Variants in PRKCA observed in about 807,000 individuals in gnomAD.
PRKCA encodes the protein protein kinase C alpha type.
In PRKCA, 27 loss-of-function variants were observed where a neutral mutation model predicts 87.0. The ratio of observed to expected loss-of-function variants is 0.31; its 90% CI spans 0.23 to 0.43. The LOEUF (loss-of-function observed/expected upper bound fraction) is 0.43. PRKCA is among the 20% of genes least tolerant of loss of function. PRKCA has a pLI of 1.00. For synonymous variants in PRKCA, 329 were observed against 311.1 expected, an observed-to-expected ratio of 1.06 and a Z score of -0.61; for missense variants, 518 against 852.3, an observed-to-expected ratio of 0.61 and a Z score of 4.88.
At chr17:66,508,493 G>A (rs746075104) in intron 3 of PRKCA, among the ~76,000 whole-genome samples, 1 of 152,118 alleles carries the variant, frequency 6.6e-6, no homozygotes, top group African/African-American at 2.4e-5. Flanking sequence ...GTACATCACT[G>A]TCCTCAGCAT....
In PRKCA at chr17:66,585,833, C is replaced by T. The variant is rs184088541; in HGVS notation, c.289-55522C>T. 1.5e-4 allele frequency among the ~76,000 whole-genome samples: 23 copies of T among 152,314 alleles called. No individual in the cohort carries two copies. The East Asian group carries it at 3.9e-3, about 26-fold the overall frequency. On this transcript the variant is annotated intron_variant, in intron 3 of 16. Coordinates refer to ENST00000413366, the MANE Select transcript of PRKCA (RefSeq NM_002737.3). ...GTCTACCCCTCTGGGTCACAAGAAG[C>T]ATGTGGGAGAATATGGGAAAGTAGC...
chr17:66,691,255 A>G (rs1972779260), intron 8 of PRKCA, among the ~76,000 whole-genome samples: 1 of 152,204 alleles, frequency 6.6e-6, no homozygotes, highest in South Asian at 2.1e-4. Flanking sequence ...CTCTTCAAAA[A>G]TAGAGAAAAA....
chr17:66,691,151 A>G (rs1163915631), intron 8 of PRKCA, among the ~76,000 whole-genome samples: 1 of 152,208 alleles, frequency 6.6e-6, no homozygotes, highest in Non-Finnish European at 1.5e-5. Flanking sequence ...AAGAAAACAA[A>G]CAAAAAACTT....
chr17:66,808,320 C>CTGTTTT lies in PRKCA; in HGVS notation c.*4285_*4290dup, dbSNP rs1555652167. ...CGGAGGGTTTTTTTTGTTTTTGTTC[C>CTGTTTT]TGTTTTTTTTTTTTTTGCTGGAATT... On this transcript the variant is annotated 3_prime_UTR_variant, in exon 17 of 17. Coordinates refer to ENST00000413366, the MANE Select transcript of PRKCA (RefSeq NM_002737.3). 7 of 69,620 alleles carry CTGTTTT rather than the reference C, an allele frequency of 1.0e-4. No homozygotes were observed. Among genetic ancestry groups the CTGTTTT allele is most frequent in the African/African-American group, 5.4e-4 (5 of 9,322 alleles). 4.3% of individuals were successfully genotyped at this position (69,620 alleles called of 1,614,324 possible).
Position 66,752,831 on chromosome 17 carries a change from A to T in PRKCA, c.1524+10071A>T, listed in dbSNP as rs1471319380. Among the ~76,000 whole-genome samples, 5 of 152,282 alleles carry T rather than the reference A, an allele frequency of 3.3e-5. No homozygotes were observed. The East Asian group carries it at 9.7e-4, about 29-fold the overall frequency. ...ACATGGTGCTGGCTACTAAAAGGCCAAAAACAGAAGCCACAGGCTGCTGAA... is the reference window on the plus strand; with the variant it reads ...ACATGGTGCTGGCTACTAAAAGGCCTAAAACAGAAGCCACAGGCTGCTGAA... On this transcript the variant is annotated intron_variant, in intron 13 of 16. Transcript: ENST00000413366.
At position 66,402,942 on chromosome 17, in the gene PRKCA, G is replaced by T. The variant is rs115998440; in HGVS notation, c.206-93259G>T. Among the ~76,000 whole-genome samples the T allele has an allele frequency of 2.9e-3, 442 of 152,308 alleles. 2 individuals carry two copies. Among genetic ancestry groups the T allele is most frequent in the African/African-American group, 0.01 (426 of 41,568 alleles). On this transcript the variant is annotated intron_variant, in intron 2 of 16. Coordinates refer to ENST00000413366, the MANE Select transcript of PRKCA (RefSeq NM_002737.3). ...CTCCTAAATATTGGAGCCTGTCCTG[G>T]CTCTGCCTCCTGCAAGAACAGTGGT...
intron 13 of PRKCA, among the ~76,000 whole-genome samples, chr17:66,750,836 A>G (rs971380159): frequency 6.6e-6 from 1 of 152,172 alleles, no homozygotes; most frequent in African/African-American, 2.4e-5. Context: ...TCCCCAGTTC[A>G]ATGCAGACTT....
intron 2 of PRKCA, among the ~76,000 whole-genome samples, chr17:66,381,368 G>T (rs2143589592): frequency 6.6e-6 from 1 of 152,152 alleles, no homozygotes; most frequent in East Asian, 1.9e-4. Context: ...GGAGTTCAAG[G>T]AGCAAAGACG....
In PRKCA at chr17:66,519,602, G is replaced by A. The variant is rs530396183; in HGVS notation, c.288+23319G>A. On this transcript the variant is annotated intron_variant, in intron 3 of 16. Transcript: ENST00000413366. ...AGTTATACTGGGAATTAAATGGGGT[G>A]GATGATGATACAGGATCTTGAAGCG... Among the ~76,000 whole-genome samples, 4 of 152,236 alleles carry A rather than the reference G, an allele frequency of 2.6e-5. No homozygotes were observed. In the East Asian group the frequency reaches 7.7e-4, roughly 29 times the overall value.
intron 13 of PRKCA, 150 bp from the exon 14 acceptor site, chr17:66,773,837 T>C: frequency 7.6e-7 from 1 of 1,320,878 alleles, no homozygotes; most frequent in Non-Finnish European, 1.0e-6. Context: ...ATTTGAAGGG[T>C]CCTCTTCCCT....
chr17:66,406,871 C>T (rs1008018815), intron 2 of PRKCA, among the ~76,000 whole-genome samples: 27 of 151,970 alleles, frequency 1.8e-4, no homozygotes, highest in African/African-American at 5.6e-4. Context: ...GAAAAGAGCT[C>T]CTGTCTGCTT....
chr17:66,444,464 G>A (rs73330590), intron 2 of PRKCA, among the ~76,000 whole-genome samples: 2,162 of 152,268 alleles, frequency 0.014, 47 homozygotes, highest in African/African-American at 0.049. Context: ...GAGACCTATC[G>A]TCAGATAGTT....
Position 66,573,474 on chromosome 17 carries a change from CAGT to C in PRKCA, c.289-67879_289-67877del, listed in dbSNP as rs1425884339. Among the ~76,000 whole-genome samples the C allele has an allele frequency of 3.3e-5, 5 of 152,128 alleles. 1 individual carries two copies. The South Asian group carries it at 6.2e-4, about 19-fold the overall frequency. ...TCAAGTAGAATAGAAAAGAGAAAAG[CAGT>C]ACCTAAACGCAACCATCTTTTTTAT... is the stretch of plus-strand genomic sequence containing the variant. On this transcript the variant is annotated intron_variant, in intron 3 of 16. Transcript: ENST00000413366.
intron 3 of PRKCA, among the ~76,000 whole-genome samples, chr17:66,611,699 G>A (rs1231119): frequency 0.79 from 120,616 of 152,180 alleles, 48,512 homozygotes; most frequent in African/African-American, 0.94. Context: ...TGTACCTAGG[G>A]GTAGAATTGC....
chr17:66,482,065 T>G (rs1264086119), intron 2 of PRKCA, among the ~76,000 whole-genome samples: 2 of 130,064 alleles, frequency 1.5e-5, no homozygotes, highest in Admixed American at 1.9e-4. Context: ...CGCGCCATTG[T>G]ACTCCAGCCT....
intron 2 of PRKCA, among the ~76,000 whole-genome samples, chr17:66,445,071 C>T (rs570327107): frequency 1.3e-5 from 2 of 152,188 alleles, no homozygotes; most frequent in South Asian, 2.1e-4. Flanking sequence ...ATCCAGATGT[C>T]GCCTTTGGAT....
intron 3 of PRKCA, among the ~76,000 whole-genome samples, chr17:66,552,411 C>G (rs986770070): frequency 1.3e-5 from 2 of 152,230 alleles, no homozygotes; most frequent in African/African-American, 2.4e-5. Flanking sequence ...GGTCACAGTT[C>G]AGCTGCGTGC....
chr17:66,394,187 A>G (rs1161096295), intron 2 of PRKCA, among the ~76,000 whole-genome samples: 1 of 152,192 alleles, frequency 6.6e-6, no homozygotes, highest in East Asian at 1.9e-4. Context: ...TTTTACCACA[A>G]AGAAATGTCT....
rs1232507325 is a variant in PRKCA at position 66,302,804 on chromosome 17, C to T, written c.-48C>T. The T allele has an allele frequency of 2.8e-6, 4 of 1,435,562 alleles. No homozygotes were observed. The East Asian group carries it at 9.8e-5, about 35-fold the overall frequency. The allele number at this position is 1,435,562 out of a possible 1,614,324, so 88.9% of individuals were successfully genotyped here. ...CCGCCGCCCCCGCCCACCCGGCCCTCCGCGGCCGCAGCTCCCCGGCGGAGG... is the reference window on the plus strand; with the variant it reads ...CCGCCGCCCCCGCCCACCCGGCCCTTCGCGGCCGCAGCTCCCCGGCGGAGG... On this transcript the variant is annotated 5_prime_UTR_variant, in exon 1 of 17. Coordinates refer to ENST00000413366, the MANE Select transcript of PRKCA (RefSeq NM_002737.3).
Sources: allele counts gnomAD v4.1 joint callset (sites outside exome capture counted in the v4.1 genomes callset), GRCh38; gene constraint gnomAD v4.1.1; transcripts MANE v1.5; gene names NCBI Gene and HGNC (gene_info 2026-07-23, HGNC 2026-07-21).